Variants in MRPS35 observed in about 807,000 individuals in gnomAD.
The protein encoded by MRPS35 is small ribosomal subunit protein mS35.
MRPS35 carries 29 observed loss-of-function variants against 32.7 expected under a neutral mutation model. The ratio of observed to expected loss-of-function variants is 0.89; its 90% confidence interval spans 0.66 to 1.21. The LOEUF is 1.21. MRPS35 is among the 50% of genes most tolerant of loss of function. The pLI is 0.00. For synonymous variants in MRPS35, 148 were observed against 139.3 expected, an observed-to-expected ratio of 1.06 and a Z score of -0.44; for missense variants, 373 against 383.8, an observed-to-expected ratio of 0.97 and a Z score of 0.23.
At chr12:27,748,051 A>T (rs949163935) in intron 7 of MRPS35, among the ~76,000 whole-genome samples, 4 of 152,212 alleles carry the variant, frequency 2.6e-5, no homozygotes, top group African/African-American at 9.6e-5. Context: ...AGGCACTTAG[A>T]ATAGTGCCTG....
chr12:27,753,933 G>A (rs1265821082), intron 7 of MRPS35, among the ~76,000 whole-genome samples: 1 of 152,140 alleles, frequency 6.6e-6, no homozygotes, highest in East Asian at 1.9e-4. Flanking sequence ...TTCACATTAT[G>A]GGAACAGAAA....
intron 5 of MRPS35, among the ~76,000 whole-genome samples, chr12:27,728,122 G>A (rs1248735920): frequency 3.9e-5 from 6 of 151,980 alleles, no homozygotes; most frequent in Admixed American, 6.6e-5. Flanking sequence ...TGAAGCTGGG[G>A]TCCAGCTTCA....
At chr12:27,718,782 G>A (rs2061861123) in intron 3 of MRPS35, among the ~76,000 whole-genome samples, 1 of 152,160 alleles carries the variant, frequency 6.6e-6, no homozygotes, top group South Asian at 2.1e-4. Context: ...GAATTGGGAT[G>A]ATTAAACAAT....
intron 5 of MRPS35, among the ~76,000 whole-genome samples, chr12:27,733,040 A>ATC (rs2061929173): frequency 1.3e-5 from 1 of 79,438 alleles, no homozygotes; most frequent in African/African-American, 4.9e-5. Flanking sequence ...ATATATATAT[A>ATC]TCCAGCACCT....
At chr12:27,738,786 T>G (rs2061952204) in intron 7 of MRPS35, among the ~76,000 whole-genome samples, 1 of 151,506 alleles carries the variant, frequency 6.6e-6, no homozygotes, top group Non-Finnish European at 1.5e-5. Flanking sequence ...GAAAAAGAAG[T>G]AAAGAAAAAT....
intron 1 of MRPS35, 71 bp from the exon 2 acceptor site, chr12:27,714,709 T>G: frequency 9.1e-7 from 1 of 1,104,762 alleles, no homozygotes; most frequent in East Asian, 2.4e-5. Flanking sequence ...AATGGGATCA[T>G]GATTGATGTT....
intron 7 of MRPS35, among the ~76,000 whole-genome samples, chr12:27,738,075 G>A (rs893138532): frequency 6.6e-6 from 1 of 152,076 alleles, no homozygotes; most frequent in Non-Finnish European, 1.5e-5. Flanking sequence ...AGAACTAAGG[G>A]CAATTAATTA....
intron 6 of MRPS35, among the ~76,000 whole-genome samples, chr12:27,736,085 T>C (rs2061942205): frequency 6.6e-6 from 1 of 152,262 alleles, no homozygotes; most frequent in Admixed American, 6.5e-5. Flanking sequence ...GTTATTGGTA[T>C]GTTTTCACTA....
chr12:27,711,547 C>T (rs1262892717), intron 1 of MRPS35, among the ~76,000 whole-genome samples: 1 of 152,080 alleles, frequency 6.6e-6, no homozygotes, highest in Non-Finnish European at 1.5e-5. Flanking sequence ...ATGACGGGAG[C>T]GTTGAGGAGG....
At chr12:27,714,909 A>G in intron 2 of MRPS35, 89 bp downstream of exon 2, 1 of 1,158,128 alleles carries the variant, frequency 8.6e-7, no homozygotes. Flanking sequence ...GGGTGTTACC[A>G]GAGAAGACTT....
chr12:27,716,294 C>G lies in MRPS35; in HGVS notation c.157C>G (p.Leu53Val), dbSNP rs751192666. ...TAAACGATTTTATATTTCTTAGGCA[C>G]TACCTCCTAGGACAGAGAAAATGGC... The part of the protein sequence containing the change: ...GNERPPRRKA[L>V]PPRTEKMAVD... Residue 53 changes from leucine (L) to valine (V), a missense_variant, in exon 3 of 8, where the codon CTA becomes GTA. Leu to Val is a conservative substitution (Grantham distance 32, BLOSUM62 1). Coordinates refer to ENST00000081029, the MANE Select transcript of MRPS35 (RefSeq NM_021821.4). 17 of 1,567,290 alleles carry G rather than the reference C, an allele frequency of 1.1e-5. No individual in the cohort carries two copies. The South Asian group carries it at 2.0e-4, about 18-fold the overall frequency.
At chr12:27,754,058 G>A (rs10842974) in intron 7 of MRPS35, among the ~76,000 whole-genome samples, 18,384 of 152,020 alleles carry the variant, frequency 0.12, 1,374 homozygotes, top group East Asian at 0.18. Flanking sequence ...GTTTGAGACC[G>A]GCCTAGAAAA....
rs550196667 is a variant in MRPS35 at position 27,715,686 on chromosome 12, C to T, written c.154-605C>T. ...ATTGACTACACTGGTTTTGATATTG[C>T]GTAGGCGGGGCATGGCTGAATTTTG... On this transcript the variant is annotated intron_variant, in intron 2 of 7. Coordinates refer to ENST00000081029, the MANE Select transcript of MRPS35 (RefSeq NM_021821.4). Among the ~76,000 whole-genome samples, 21 of 152,264 alleles carry T rather than the reference C, an allele frequency of 1.4e-4. No homozygotes were observed. In the South Asian group the frequency reaches 1.5e-3, roughly 11 times the overall value.
At chr12:27,737,455 G>A (rs1376172624) in intron 6 of MRPS35, 84 bp from the exon 7 acceptor site, 2 of 858,790 alleles carry the variant, frequency 2.3e-6, no homozygotes, top group African/African-American at 1.7e-5. Context: ...ATTATCTTCT[G>A]TATTTAGTAT....
intron 5 of MRPS35, chr12:27,725,732 T>G (rs1391062233): frequency 6.5e-6 from 1 of 153,930 alleles, no homozygotes; most frequent in Non-Finnish European, 1.4e-5. Context: ...TGAGGATTTA[T>G]TCCTTTGCAA....
At chr12:27,743,342 AC>A (rs1357717946) in intron 7 of MRPS35, among the ~76,000 whole-genome samples, 7 of 151,894 alleles carry the variant, frequency 4.6e-5, no homozygotes, top group Admixed American at 4.6e-4. Context: ...AGCCTGGCCA[AC>A]ATGGTGAAAC....
chr12:27,728,522 A>G (rs2061909129), intron 5 of MRPS35, among the ~76,000 whole-genome samples: 1 of 152,126 alleles, frequency 6.6e-6, no homozygotes. Context: ...TACTATTACC[A>G]CATGTAACAA....
chr12:27,746,120 A>C (rs1352667322), intron 7 of MRPS35, among the ~76,000 whole-genome samples: 3 of 152,306 alleles, frequency 2.0e-5, no homozygotes, highest in East Asian at 3.9e-4. Context: ...TCTAGCTGTG[A>C]GACCCAGGTT....
At chr12:27,749,856 A>G (rs966754280) in intron 7 of MRPS35, among the ~76,000 whole-genome samples, 1 of 152,232 alleles carries the variant, frequency 6.6e-6, no homozygotes, top group Non-Finnish European at 1.5e-5. Context: ...CGGTTCTTAC[A>G]GAGATACAAG....
Sources: allele counts gnomAD v4.1 joint callset (sites outside exome capture counted in the v4.1 genomes callset), GRCh38; gene constraint gnomAD v4.1.1; transcripts MANE v1.5; gene names NCBI Gene and HGNC (gene_info 2026-07-23, HGNC 2026-07-21).